Variants in COL24A1 observed in about 807,000 individuals in gnomAD.
The protein encoded by COL24A1 is collagen alpha-1(XXIV) chain.
Under a neutral mutation model 253.9 loss-of-function variants are expected in COL24A1, and 224 were observed. The observed-to-expected ratio is 0.88, with a 90% confidence interval of 0.79 to 0.99. The LOEUF (loss-of-function observed/expected upper bound fraction) is 0.99. Among genes scored for constraint, COL24A1 ranks in the 50% least tolerant of loss-of-function variants. COL24A1 has a pLI of 0.00. For missense variants in COL24A1, 2,131 were observed against 2,068.5 expected (o/e 1.03, Z -0.59); for synonymous variants, 685 against 673.7 (o/e 1.02, Z -0.26).
chr1:85,866,699 G>A (rs891703483), intron 37 of COL24A1, among the ~76,000 whole-genome samples: 8 of 152,056 alleles, frequency 5.3e-5, no homozygotes, highest in Admixed American at 1.3e-4. Context: ...TCTTGAACCC[G>A]GGAGGTGGAG....
At position 85,734,744 on chromosome 1, in the gene COL24A1, C is replaced by G; in HGVS notation, c.4998+5G>C. 1 of 1,611,874 alleles carries G rather than the reference C, an allele frequency of 6.2e-7. No individual in the cohort carries two copies. The highest frequency in any genetic ancestry group is 8.5e-7 in the Non-Finnish European group (1 of 1,177,982). On this transcript the variant is annotated splice_donor_5th_base_variant and intron_variant, in intron 59 of 59. Coordinates refer to ENST00000370571, the MANE Select transcript of COL24A1 (RefSeq NM_152890.7). ...TGAACAATTCTAAAAGTGCCATTTCCTTACCTTGCAGTCATCTGAAAGCAC... is the reference window on the plus strand; with the variant it reads ...TGAACAATTCTAAAAGTGCCATTTCGTTACCTTGCAGTCATCTGAAAGCAC...
chr1:85,759,547 T>A (rs1666628107), intron 55 of COL24A1, among the ~76,000 whole-genome samples: 1 of 152,102 alleles, frequency 6.6e-6, no homozygotes, highest in South Asian at 2.1e-4. Context: ...AAAACAGCAT[T>A]ATATATGGAA....
intron 7 of COL24A1, among the ~76,000 whole-genome samples, chr1:86,083,356 T>C (rs186005540): frequency 5.4e-4 from 81 of 151,358 alleles, no homozygotes; most frequent in African/African-American, 1.8e-3. Context: ...ATATATATCA[T>C]ATATATAGTT....
intron 47 of COL24A1, among the ~76,000 whole-genome samples, chr1:85,797,207 CAAAA>C (rs1181001829): frequency 1.2e-4 from 8 of 66,200 alleles, no homozygotes; most frequent in South Asian, 5.9e-4. Flanking sequence ...GACTCCGTCT[CAAAA>C]AAAAAAAAAA....
intron 19 of COL24A1, among the ~76,000 whole-genome samples, chr1:86,007,029 T>C (rs142226957): frequency 6.6e-6 from 1 of 150,984 alleles, no homozygotes; most frequent in Admixed American, 6.6e-5. Flanking sequence ...CTGGGCAACA[T>C]AGTGAGACCT....
rs368717071 is a variant in COL24A1 at position 85,781,208 on chromosome 1, T to A, written c.4338+12A>T. ...AAAAGAGTACAAAAGACTTGTATTA[T>A]GATAAACTTACAGTTCTACCTGTTG... On this transcript the variant is annotated intron_variant, in intron 52 of 59. Coordinates refer to ENST00000370571, the MANE Select transcript of COL24A1 (RefSeq NM_152890.7). The A allele has an allele frequency of 6.3e-7, 1 of 1,575,614 alleles. No homozygotes were observed. Among genetic ancestry groups the A allele is most frequent in the African/African-American group, 1.4e-5 (1 of 73,510 alleles).
chr1:85,826,243 G>A (rs377493904), intron 43 of COL24A1, among the ~76,000 whole-genome samples: 1,650 of 143,848 alleles, frequency 0.011, 37 homozygotes, highest in Admixed American at 0.053. Flanking sequence ...GTAGATATGC[G>A]GCATTATTTC....
chr1:86,073,647 C>T (rs1702028961), intron 7 of COL24A1, among the ~76,000 whole-genome samples: 1 of 152,126 alleles, frequency 6.6e-6, no homozygotes, highest in African/African-American at 2.4e-5. Context: ...TTGAGAAGAG[C>T]AACCCCAAGG....
chr1:86,147,537 C>T (rs150400483), intron 1 of COL24A1, among the ~76,000 whole-genome samples: 1 of 152,234 alleles, frequency 6.6e-6, no homozygotes, highest in Non-Finnish European at 1.5e-5. Flanking sequence ...GCCTATGAAA[C>T]ATTCTTATAT....
Position 86,003,768 on chromosome 1 carries a change from G to C in COL24A1, c.2310+13383C>G, listed in dbSNP as rs557098112. On this transcript the variant is annotated intron_variant, in intron 19 of 59. Coordinates refer to ENST00000370571, the MANE Select transcript of COL24A1 (RefSeq NM_152890.7). Reference sequence around the variant, plus strand: ...ATCAATGGCATGGCTATCTGGTCAGGGGCCTGGGAGGAAAAAAAAATAGAG... The same window carrying C: ...ATCAATGGCATGGCTATCTGGTCAGCGGCCTGGGAGGAAAAAAAAATAGAG... Among the ~76,000 whole-genome samples the C allele has an allele frequency of 4.2e-5, 6 of 143,138 alleles. No homozygotes were observed. In the South Asian group the frequency reaches 1.4e-3, roughly 33 times the overall value. 93.9% of individuals were successfully genotyped at this position (143,138 alleles called of 152,430 possible).
intron 19 of COL24A1, among the ~76,000 whole-genome samples, chr1:86,009,506 T>C (rs1278646017): frequency 6.6e-6 from 1 of 152,208 alleles, no homozygotes; most frequent in Admixed American, 6.5e-5. Flanking sequence ...TATGTTACTG[T>C]ACTAAATACT....
intron 24 of COL24A1, among the ~76,000 whole-genome samples, chr1:85,943,386 T>A (rs1380135855): frequency 1.3e-5 from 2 of 152,214 alleles, no homozygotes; most frequent in East Asian, 3.9e-4. Context: ...TCCTTTCTCA[T>A]ATATCTGTAT....
intron 1 of COL24A1, among the ~76,000 whole-genome samples, chr1:86,149,714 A>G (rs1297563123): frequency 6.6e-6 from 1 of 152,192 alleles, no homozygotes; most frequent in Non-Finnish European, 1.5e-5. Context: ...ACCTCAGTGG[A>G]GAAAAATGGA....
chr1:86,078,261 T>TA (rs1004751667), intron 7 of COL24A1, among the ~76,000 whole-genome samples: 51 of 151,852 alleles, frequency 3.4e-4, no homozygotes, highest in African/African-American at 7.0e-4. Context: ...CCCTTCTTGG[T>TA]AAAAAAAATA....
chr1:85,987,638 A>G lies in COL24A1; in HGVS notation c.2327T>C (p.Ile776Thr), dbSNP rs751033464. The G allele has an allele frequency of 9.9e-6, 16 of 1,610,312 alleles. No homozygotes were observed. The highest frequency in any genetic ancestry group is 8.4e-5 in the Admixed American group (5 of 59,570). The change falls in exon 20 of 60, where the codon ATT becomes ACT. Residue 776 changes from isoleucine to threonine, a missense_variant. By Grantham distance (89) the Ile-to-Thr change is moderately conservative (BLOSUM62 -1). Coordinates refer to ENST00000370571, the MANE Select transcript of COL24A1 (RefSeq NM_152890.7). ...PPGPEGFPGDIGIPGQNGPEG... is the reference protein window; with the variant it reads ...PPGPEGFPGDTGIPGQNGPEG... ...AGGGCCGTTTTGTCCAGGAATCCCAATATCTCCTGGAAAACCCTAGGGAAT... is the reference window on the plus strand; with the variant it reads ...AGGGCCGTTTTGTCCAGGAATCCCAGTATCTCCTGGAAAACCCTAGGGAAT...
intron 2 of COL24A1, among the ~76,000 whole-genome samples, chr1:86,137,700 C>A (rs1303157215): frequency 1.3e-5 from 2 of 152,158 alleles, no homozygotes; most frequent in East Asian, 1.9e-4. Context: ...ATGGCTGCAA[C>A]AACCACATAT....
At chr1:86,043,436 A>G (rs1699655173) in intron 12 of COL24A1, among the ~76,000 whole-genome samples, 2 of 152,226 alleles carry the variant, frequency 1.3e-5, no homozygotes, top group Non-Finnish European at 2.9e-5. Flanking sequence ...ATCTTCTAAT[A>G]CGATTCTACT....
In COL24A1 at chr1:85,922,116, G is replaced by C. The variant is rs528307471; in HGVS notation, c.2563-10683C>G. ...AATAAAGCAAGAGGAGAAGTTTAGA[G>C]AAAAAATAATAAAAAGAAACGAACA... On this transcript the variant is annotated intron_variant, in intron 24 of 59. Transcript: ENST00000370571. 2.0e-5 allele frequency among the ~76,000 whole-genome samples: 3 copies of C among 152,168 alleles called. No homozygotes were observed. In the South Asian group the frequency reaches 6.2e-4, roughly 32 times the overall value.
intron 1 of COL24A1, among the ~76,000 whole-genome samples, chr1:86,150,781 T>C (rs985769651): frequency 6.6e-6 from 1 of 152,178 alleles, no homozygotes; most frequent in Non-Finnish European, 1.5e-5. Context: ...ACATTTATTA[T>C]ACATTTCCTC....
Sources: gnomAD v4.1 joint callset for allele counts (sites outside exome capture counted in the v4.1 genomes callset) on GRCh38, gnomAD v4.1.1 for gene constraint, MANE v1.5 for transcripts, NCBI Gene and HGNC (gene_info 2026-07-23, HGNC 2026-07-21) for gene names.